The following MLIP variants were observed in gnomAD, a reference collection of about 807,000 sequenced individuals.
MLIP encodes the protein muscular LMNA interacting protein.
Under a neutral mutation model 84.8 loss-of-function variants are expected in MLIP, and 79 were observed. The ratio of observed to expected loss-of-function variants is 0.93; its 90% CI spans 0.78 to 1.12. The LOEUF is 1.12. MLIP is among the 50% of genes most tolerant of loss of function. MLIP has a pLI of 0.00. For synonymous variants in MLIP, 504 were observed against 463.0 expected, an observed-to-expected ratio of 1.09 and a Z score of -1.14; for missense variants, 1,257 against 1,160.6, an observed-to-expected ratio of 1.08 and a Z score of -1.21.
chr6:54,175,226 C>T (rs956462148), intron 9 of MLIP, among the ~76,000 whole-genome samples: 1 of 151,852 alleles, frequency 6.6e-6, no homozygotes, highest in Non-Finnish European at 1.5e-5. Context: ...TTTGGTGATT[C>T]TGGGTCTTTT....
At chr6:54,094,216 A>G (rs1331606606) in intron 1 of MLIP, among the ~76,000 whole-genome samples, 1 of 152,062 alleles carries the variant, frequency 6.6e-6, no homozygotes, top group Non-Finnish European at 1.5e-5. Flanking sequence ...GATATTGCCT[A>G]AGTTTTTCCT....
At chr6:54,104,990 C>A (rs1042970687) in intron 1 of MLIP, among the ~76,000 whole-genome samples, 1 of 152,090 alleles carries the variant, frequency 6.6e-6, no homozygotes, top group Admixed American at 6.6e-5. Flanking sequence ...CCTTGCTCAC[C>A]GTTTGTCTTG....
intron 1 of MLIP, among the ~76,000 whole-genome samples, chr6:54,097,803 T>C (rs183125870): frequency 5.9e-5 from 9 of 152,280 alleles, no homozygotes; most frequent in African/African-American, 2.2e-4. Flanking sequence ...AAATGGCCTA[T>C]TATATATAAG....
chr6:54,093,391 T>TTCTATTCTATTCTATTCTATTCTAC (rs757355725), intron 1 of MLIP, among the ~76,000 whole-genome samples: 1 of 147,724 alleles, frequency 6.8e-6, no homozygotes, highest in Non-Finnish European at 1.5e-5. Context: ...TTCTATTCTA[T>TTCTATTCTATTCTATTCTATTCTAC]TCTTCTTTTA....
At chr6:54,190,064 C>G in intron 10 of MLIP, 150 bp downstream of exon 10, 1 of 614,750 alleles carries the variant, frequency 1.6e-6, no homozygotes, top group Non-Finnish European at 2.7e-6. Context: ...TTTCCAAAAG[C>G]TCCATGGTGG....
chr6:54,223,154 T>C (rs993393657), intron 11 of MLIP, among the ~76,000 whole-genome samples: 1 of 152,004 alleles, frequency 6.6e-6, no homozygotes, highest in Non-Finnish European at 1.5e-5. Flanking sequence ...ATATAGACAG[T>C]TTGCAAATAT....
At chr6:54,054,634 T>A (rs1226470923) in intron 1 of MLIP, among the ~76,000 whole-genome samples, 1 of 152,214 alleles carries the variant, frequency 6.6e-6, no homozygotes, top group Non-Finnish European at 1.5e-5. Flanking sequence ...GATCTCATTG[T>A]GATCATGAAT....
At chr6:54,148,540 C>G (rs1005449120) in intron 4 of MLIP, among the ~76,000 whole-genome samples, 3 of 152,056 alleles carry the variant, frequency 2.0e-5, no homozygotes, top group Non-Finnish European at 4.4e-5. Context: ...AAATTATTGA[C>G]TACTTTGCTG....
intron 11 of MLIP, among the ~76,000 whole-genome samples, chr6:54,206,662 C>A (rs2150728378): frequency 6.6e-6 from 1 of 152,136 alleles, no homozygotes; most frequent in African/African-American, 2.4e-5. Context: ...TGCCTCTTTT[C>A]CCTACCAAAA....
chr6:54,164,523 A>G (rs1207684009), intron 8 of MLIP, among the ~76,000 whole-genome samples: 1 of 151,894 alleles, frequency 6.6e-6, no homozygotes, highest in Non-Finnish European at 1.5e-5. Context: ...TACAGCTCTG[A>G]GTTTTGACAA....
intron 5 of MLIP, among the ~76,000 whole-genome samples, chr6:54,154,624 T>C (rs1773827777): frequency 6.6e-6 from 1 of 152,178 alleles, no homozygotes; most frequent in African/African-American, 2.4e-5. Context: ...TTCCGTACTG[T>C]ACAGTGACAT....
At chr6:54,258,319 C>G (rs555198091) in intron 13 of MLIP, among the ~76,000 whole-genome samples, 1 of 152,170 alleles carries the variant, frequency 6.6e-6, no homozygotes, top group Non-Finnish European at 1.5e-5. Flanking sequence ...ATACTATCTA[C>G]ATTTCCTAAA....
chr6:54,153,417 T>A (rs1473677951), intron 5 of MLIP, among the ~76,000 whole-genome samples: 1 of 152,146 alleles, frequency 6.6e-6, no homozygotes, highest in Non-Finnish European at 1.5e-5. Context: ...ACCTCTTGCC[T>A]CAGCGTCTTG....
At chr6:54,224,700 G>T (rs1030883738) in intron 11 of MLIP, among the ~76,000 whole-genome samples, 14 of 151,918 alleles carry the variant, frequency 9.2e-5, no homozygotes, top group Non-Finnish European at 1.8e-4. Flanking sequence ...AGTATATACT[G>T]CACCATTATA....
At chr6:54,177,506 C>G (rs1354033522) in intron 9 of MLIP, among the ~76,000 whole-genome samples, 1 of 152,104 alleles carries the variant, frequency 6.6e-6, no homozygotes, top group Admixed American at 6.5e-5. Flanking sequence ...CCATCTCACA[C>G]CAGTCAGAAT....
At chr6:54,033,828 A>G (rs1249334530) in intron 1 of MLIP, among the ~76,000 whole-genome samples, 2 of 152,162 alleles carry the variant, frequency 1.3e-5, no homozygotes, top group African/African-American at 4.8e-5. Flanking sequence ...ATTATTCTTC[A>G]TTCTTGAAAA....
At chr6:54,161,565 C>T (rs1774645046) in intron 8 of MLIP, among the ~76,000 whole-genome samples, 1 of 151,592 alleles carries the variant, frequency 6.6e-6, no homozygotes. Context: ...TTTGGTCAGC[C>T]TTATTTATTT....
intron 1 of MLIP, among the ~76,000 whole-genome samples, chr6:54,071,109 G>A (rs1338755294): frequency 1.3e-5 from 2 of 151,982 alleles, no homozygotes; most frequent in Non-Finnish European, 2.9e-5. Flanking sequence ...TCTCTCATAG[G>A]TATTTGCATT....
chr6:54,047,287 C>G (rs181978515), intron 1 of MLIP: 15 of 152,228 alleles, frequency 9.9e-5, no homozygotes, highest in Non-Finnish European at 1.5e-4. Context: ...ATGAGTGATA[C>G]AAACCTGGAG....
Sources: gnomAD v4.1 joint callset for allele counts (sites outside exome capture counted in the v4.1 genomes callset) on GRCh38, gnomAD v4.1.1 for gene constraint, MANE v1.5 for transcripts, NCBI Gene and HGNC (gene_info 2026-07-23, HGNC 2026-07-21) for gene names.